The following PHKB variants were observed in gnomAD, a reference collection of about 807,000 sequenced individuals.
The protein encoded by PHKB is phosphorylase b kinase regulatory subunit beta.
Under a neutral mutation model 152.1 loss-of-function variants are expected in PHKB, and 122 were observed. That is an observed-to-expected ratio of 0.80 (90% confidence interval 0.69 to 0.93). PHKB has a LOEUF of 0.93. Among genes scored for constraint, PHKB ranks in the 40% least tolerant of loss-of-function variants. The pLI is 0.00. For synonymous variants in PHKB, 436 were observed against 464.9 expected (o/e 0.94, Z 0.80); for missense variants, 1,304 against 1,328.4 (o/e 0.98, Z 0.29).
intron 20 of PHKB, 27 bp from the exon 21 acceptor site, chr16:47,660,479 T>G (rs774053405): frequency 1.9e-6 from 3 of 1,589,830 alleles, no homozygotes; most frequent in Non-Finnish European, 2.6e-6. Context: ...ATCTAAGAGT[T>G]TCTAATCTTT....
At chr16:47,531,485 A>G (rs763150176) in intron 6 of PHKB, among the ~76,000 whole-genome samples, 22 of 152,230 alleles carry the variant, frequency 1.4e-4, no homozygotes, top group Non-Finnish European at 2.6e-4. Flanking sequence ...AGTAAAAGAT[A>G]CATTGAGTGT....
In PHKB at chr16:47,650,995, A is replaced by G. The variant is rs1597151372; in HGVS notation, c.1971+74A>G. 3 of 1,058,298 alleles carry G rather than the reference A, an allele frequency of 2.8e-6. No individual in the cohort carries two copies. The East Asian group carries it at 7.1e-5, about 25-fold the overall frequency. 65.6% of individuals were successfully genotyped at this position (1,058,298 alleles called of 1,614,324 possible). A position where few individuals can be genotyped will look rare whatever the true frequency, so the allele number is the denominator to read the frequency against. On this transcript the variant is annotated intron_variant, in intron 20 of 30. Transcript: ENST00000323584. ...ACAATACAGCTATGTTTCTTAATGT[A>G]TGGTCTATTTAAGGTTTTTGACTTA...
chr16:47,560,263 G>A (rs1971453608), intron 7 of PHKB, among the ~76,000 whole-genome samples: 1 of 152,184 alleles, frequency 6.6e-6, no homozygotes. Flanking sequence ...ATTAACAAAA[G>A]AAGTGTAAGA....
chr16:47,533,442 T>C (rs764763114), intron 6 of PHKB, among the ~76,000 whole-genome samples: 1 of 152,170 alleles, frequency 6.6e-6, no homozygotes, highest in Non-Finnish European at 1.5e-5. Flanking sequence ...TGCCTGTTCA[T>C]GGCACCTAGG....
chr16:47,700,837 A>C lies in PHKB; in HGVS notation c.*1471A>C, dbSNP rs1338131222. ...GGATGAGTGGCTTCAGTATTGAGTC[A>C]ATCGATATCAAATGAATGGATGTGT... On this transcript the variant is annotated 3_prime_UTR_variant, in exon 31 of 31. Coordinates refer to ENST00000323584, the MANE Select transcript of PHKB (RefSeq NM_000293.3). The C allele has an allele frequency of 1.3e-5, 2 of 152,184 alleles. No homozygotes were observed. The highest frequency in any genetic ancestry group is 4.8e-5 in the African/African-American group (2 of 41,440). The allele number at this position is 152,184 out of a possible 1,614,324, so 9.4% of individuals were successfully genotyped here.
intron 14 of PHKB, among the ~76,000 whole-genome samples, chr16:47,631,142 C>G (rs1198900414): frequency 6.6e-6 from 1 of 152,130 alleles, no homozygotes; most frequent in East Asian, 1.9e-4. Flanking sequence ...CTTCTTCCTT[C>G]CTCTCTCTCT....
chr16:47,562,711 C>T (rs1971497004), intron 7 of PHKB, among the ~76,000 whole-genome samples: 1 of 152,230 alleles, frequency 6.6e-6, no homozygotes. Context: ...ATTGGAATGG[C>T]TGTGACACTT....
chr16:47,513,774 A>T (rs1970549107), intron 5 of PHKB, among the ~76,000 whole-genome samples: 1 of 152,252 alleles, frequency 6.6e-6, no homozygotes, highest in South Asian at 2.1e-4. Context: ...TTTTTAACTC[A>T]GGCTTACAGT....
intron 7 of PHKB, among the ~76,000 whole-genome samples, chr16:47,572,980 G>T (rs1215851511): frequency 1.3e-5 from 2 of 152,252 alleles, no homozygotes; most frequent in Middle Eastern, 3.4e-3. Context: ...CTTTCTGCCT[G>T]GTCCTAAGCT....
intron 7 of PHKB, among the ~76,000 whole-genome samples, chr16:47,554,252 C>T (rs1971325976): frequency 6.6e-6 from 1 of 152,194 alleles, no homozygotes. Context: ...CTGGCTACAG[C>T]AGCTTTGCTG....
chr16:47,466,033 A>G (rs1407630602), intron 1 of PHKB, among the ~76,000 whole-genome samples: 1 of 152,078 alleles, frequency 6.6e-6, no homozygotes, highest in Non-Finnish European at 1.5e-5. Context: ...TTAACCCTTC[A>G]TATTCCTTCT....
In PHKB at chr16:47,611,961, G is replaced by A. The variant is rs1048758514; in HGVS notation, c.1458+1041G>A. Among the ~76,000 whole-genome samples, 19 of 152,246 alleles carry A rather than the reference G, an allele frequency of 1.2e-4. No homozygotes were observed. The East Asian group carries it at 2.5e-3, about 20-fold the overall frequency. The stretch of plus-strand genomic sequence containing the variant: ...GTATTTGGCCTTTATCTTAGTTACC[G>A]CTCATGTTGGTACAATTGGCAGAGT... On this transcript the variant is annotated intron_variant, in intron 14 of 30. Coordinates refer to ENST00000323584, the MANE Select transcript of PHKB (RefSeq NM_000293.3).
chr16:47,542,468 C>T (rs1319271465), intron 6 of PHKB, among the ~76,000 whole-genome samples: 2 of 151,960 alleles, frequency 1.3e-5, no homozygotes, highest in African/African-American at 4.8e-5. Flanking sequence ...GCTTAGGATT[C>T]TCTTGGCAAT....
At chr16:47,571,340 C>A (rs898910570) in intron 7 of PHKB, among the ~76,000 whole-genome samples, 3 of 152,128 alleles carry the variant, frequency 2.0e-5, no homozygotes, top group Admixed American at 2.0e-4. Context: ...CAGTGGTGGA[C>A]AAAAGTCTCA....
At chr16:47,534,976 CAAG>C (rs1427661585) in intron 6 of PHKB, among the ~76,000 whole-genome samples, 1 of 152,116 alleles carries the variant, frequency 6.6e-6, no homozygotes. Context: ...CAGTGAAATA[CAAG>C]GAGGACTAAA....
intron 1 of PHKB, among the ~76,000 whole-genome samples, chr16:47,468,483 C>T (rs574727010): frequency 6.6e-6 from 1 of 152,322 alleles, no homozygotes; most frequent in Admixed American, 6.5e-5. Flanking sequence ...GAAACCCTGT[C>T]TCTACTAATA....
At chr16:47,647,042 A>G (rs1973141482) in intron 16 of PHKB, among the ~76,000 whole-genome samples, 1 of 152,084 alleles carries the variant, frequency 6.6e-6, no homozygotes, top group Non-Finnish European at 1.5e-5. Flanking sequence ...TTTCTGCTCC[A>G]CTGTGGCACC....
At chr16:47,624,871 A>C (rs1450857174) in intron 14 of PHKB, among the ~76,000 whole-genome samples, 1 of 152,182 alleles carries the variant, frequency 6.6e-6, no homozygotes, top group Non-Finnish European at 1.5e-5. Flanking sequence ...CACATGCAAC[A>C]AGTTATTAAT....
chr16:47,653,451 G>T (rs1351656773), intron 20 of PHKB, among the ~76,000 whole-genome samples: 2 of 152,170 alleles, frequency 1.3e-5, no homozygotes, highest in Non-Finnish European at 2.9e-5. Flanking sequence ...TGGAGCGTCT[G>T]TGAATCCCAG....
Sources: allele counts gnomAD v4.1 joint callset (sites outside exome capture counted in the v4.1 genomes callset), GRCh38; gene constraint gnomAD v4.1.1; transcripts MANE v1.5; gene names NCBI Gene and HGNC (gene_info 2026-07-23, HGNC 2026-07-21).